Variants in UBE2G2 observed in about 807,000 individuals in gnomAD.
UBE2G2 encodes the protein ubiquitin conjugating enzyme E2 G2.
In UBE2G2, 10 loss-of-function variants were observed where a neutral mutation model predicts 23.0. The ratio of observed to expected loss-of-function variants is 0.43; its 90% CI spans 0.27 to 0.74. The LOEUF (loss-of-function observed/expected upper bound fraction) is 0.74. Among genes scored for constraint, UBE2G2 ranks in the 30% least tolerant of loss-of-function variants. The pLI is 0.19. For missense variants in UBE2G2, 150 were observed against 218.3 expected (o/e 0.69, Z 1.97); for synonymous variants, 86 against 81.3 (o/e 1.06, Z -0.31).
chr21:44,782,344 G>C (rs533823642), intron 3 of UBE2G2, among the ~76,000 whole-genome samples: 1 of 152,310 alleles, frequency 6.6e-6, no homozygotes, highest in Non-Finnish European at 1.5e-5. Flanking sequence ...TCATGGATTA[G>C]AGCACTCAGT....
intron 1 of UBE2G2, 170 bp downstream of exon 1, chr21:44,801,536 G>A: frequency 8.8e-7 from 1 of 1,134,762 alleles, no homozygotes; most frequent in Non-Finnish European, 1.2e-6. Context: ...ACGCGTGAGA[G>A]TGGGCAGCGG....
intron 3 of UBE2G2, chr21:44,779,019 AAAAATCTT>A: frequency 5.4e-6 from 1 of 183,658 alleles, no homozygotes. Context: ...AATTTGTTTT[AAAAATCTT>A]AAAATTATCT....
intron 3 of UBE2G2, among the ~76,000 whole-genome samples, chr21:44,779,507 A>C (rs1601182428): frequency 4.0e-5 from 6 of 148,866 alleles, no homozygotes; most frequent in South Asian, 2.2e-4. Context: ...CCGGATGAGT[A>C]CCCCCCCCGG....
intron 4 of UBE2G2, chr21:44,774,070 T>C (rs1044627981): frequency 6.2e-6 from 1 of 162,086 alleles, no homozygotes; most frequent in Admixed American, 6.4e-5. Flanking sequence ...GTTCCTTAGC[T>C]ATTTCTAATT....
In UBE2G2 at chr21:44,769,655, G is replaced by A. The variant is rs2146378607; in HGVS notation, c.*1722C>T. 6.6e-6 allele frequency: 1 copy of A among 152,352 alleles called. No homozygotes were observed. The highest frequency in any genetic ancestry group is 1.5e-5 in the Non-Finnish European group (1 of 68,082). 9.4% of individuals were successfully genotyped at this position (152,352 alleles called of 1,614,324 possible). On this transcript the variant is annotated 3_prime_UTR_variant, in exon 6 of 6. Coordinates refer to ENST00000345496, the MANE Select transcript of UBE2G2 (RefSeq NM_003343.6). ...AGTCTCCCAAAGTGCTGGGATTGCA[G>A]GCGTGAGCCACAGCACCCAGCCTCC...
At chr21:44,791,854 G>C (rs901217339) in intron 1 of UBE2G2, among the ~76,000 whole-genome samples, 1 of 152,278 alleles carries the variant, frequency 6.6e-6, no homozygotes, top group Admixed American at 6.5e-5. Context: ...GTAGCTGAAG[G>C]GGGTGGGTGT....
chr21:44,799,369 C>T (rs781991916), intron 1 of UBE2G2, among the ~76,000 whole-genome samples: 9 of 152,202 alleles, frequency 5.9e-5, no homozygotes, highest in Non-Finnish European at 8.8e-5. Flanking sequence ...CTCCCAATAC[C>T]GTATAAGGCT....
chr21:44,785,209 C>T (rs2082986041), intron 3 of UBE2G2, among the ~76,000 whole-genome samples: 2 of 152,212 alleles, frequency 1.3e-5, no homozygotes, highest in South Asian at 4.1e-4. Flanking sequence ...GCACCCACAG[C>T]CACGGTGGCC....
intron 3 of UBE2G2, among the ~76,000 whole-genome samples, 171 bp downstream of exon 3, chr21:44,787,749 T>C (rs1555962303): frequency 6.6e-6 from 1 of 152,234 alleles, no homozygotes; most frequent in Non-Finnish European, 1.5e-5. Context: ...TTTGGATCAA[T>C]GCTCAGGTTC....
chr21:44,777,020 C>T, intron 4 of UBE2G2: 2 of 363,244 alleles, frequency 5.5e-6, no homozygotes, highest in Non-Finnish European at 5.0e-6. Flanking sequence ...TGAGCACACA[C>T]CCATGTGTAA....
chr21:44,774,343 T>C (rs536458242), intron 4 of UBE2G2: 50 of 158,472 alleles, frequency 3.2e-4, no homozygotes, highest in Non-Finnish European at 5.1e-4. Context: ...ATTCACAGCA[T>C]TTAATCAGTC....
In UBE2G2 at chr21:44,779,539, C is replaced by T. The variant is rs552032666; in HGVS notation, c.126-2122G>A. Among the ~76,000 whole-genome samples the T allele has an allele frequency of 2.6e-5, 4 of 152,252 alleles. No individual in the cohort carries two copies. The East Asian group carries it at 5.8e-4, about 22-fold the overall frequency. On this transcript the variant is annotated intron_variant, in intron 3 of 5. Transcript: ENST00000345496. ...CCGGCCCACACTGGCACCCAGCGCC[C>T]GGCAGCCTGGGGACGCCTCAAGCCT... is the stretch of plus-strand genomic sequence containing the variant.
chr21:44,788,630 C>G (rs1380543038), intron 1 of UBE2G2, among the ~76,000 whole-genome samples: 13 of 151,708 alleles, frequency 8.6e-5, no homozygotes, highest in African/African-American at 3.1e-4. Flanking sequence ...TTTTCTTTTT[C>G]TTTTTCTTTT....
At chr21:44,796,015 C>G (rs2083086057) in intron 1 of UBE2G2, among the ~76,000 whole-genome samples, 1 of 152,188 alleles carries the variant, frequency 6.6e-6, no homozygotes, top group Non-Finnish European at 1.5e-5. Flanking sequence ...CTCGAGCCCT[C>G]AAGAGGAAGA....
chr21:44,797,492 G>A (rs1230604793), intron 1 of UBE2G2, among the ~76,000 whole-genome samples: 4 of 152,028 alleles, frequency 2.6e-5, no homozygotes, highest in African/African-American at 4.8e-5. Context: ...CGAGGCTGGC[G>A]GATCACGAGG....
chr21:44,797,208 G>A (rs574313878), intron 1 of UBE2G2, among the ~76,000 whole-genome samples: 13 of 152,100 alleles, frequency 8.5e-5, no homozygotes, highest in Non-Finnish European at 1.6e-4. Context: ...ACAAACCTTC[G>A]GAAATCAACC....
At chr21:44,795,685 G>A (rs782151564) in intron 1 of UBE2G2, among the ~76,000 whole-genome samples, 9 of 152,054 alleles carry the variant, frequency 5.9e-5, no homozygotes, top group African/African-American at 9.6e-5. Flanking sequence ...AACTGGCCAC[G>A]CGAAGTGTCA....
rs901629541 is a variant in UBE2G2, at chr21:44,768,755, G to C, written c.*2622C>G. On this transcript the variant is annotated 3_prime_UTR_variant, in exon 6 of 6. Transcript: ENST00000345496. ...TCGGAACAGCCTGCTGGCTTCTAGT[G>C]GTCAAATGTGCCACTCACACAATGG... 2.0e-5 allele frequency: 3 copies of C among 152,200 alleles called. No homozygotes were observed. The highest frequency in any genetic ancestry group is 7.2e-5 in the African/African-American group (3 of 41,430). The allele number at this position is 152,200 out of a possible 1,614,324, so 9.4% of individuals were successfully genotyped here. A position where few individuals can be genotyped will look rare whatever the true frequency, so the allele number is the denominator to read the frequency against.
At chr21:44,786,454 G>T (rs1555962014) in intron 3 of UBE2G2, among the ~76,000 whole-genome samples, 1 of 151,878 alleles carries the variant, frequency 6.6e-6, no homozygotes, top group African/African-American at 2.4e-5. Flanking sequence ...TATTACAAAT[G>T]ATCAGGAAAT....
Sources: gnomAD v4.1 joint callset for allele counts (sites outside exome capture counted in the v4.1 genomes callset) on GRCh38, gnomAD v4.1.1 for gene constraint, MANE v1.5 for transcripts, NCBI Gene and HGNC (gene_info 2026-07-23, HGNC 2026-07-21) for gene names.